Variants in GRM5 observed in about 807,000 individuals in gnomAD.
The protein encoded by GRM5 is metabotropic glutamate receptor 5.
A neutral mutation model predicts 83.1 loss-of-function variants in GRM5; 19 were observed. That is an observed-to-expected ratio of 0.23 (90% CI 0.16 to 0.34). The LOEUF (loss-of-function observed/expected upper bound fraction) is 0.34, where lower values mean the gene tolerates loss of function less well. Among genes scored for constraint, GRM5 ranks in the 10% least tolerant of loss-of-function variants. GRM5 has a pLI of 1.00. For synonymous variants in GRM5, 675 were observed against 633.6 expected (o/e 1.07, Z -0.98); for missense variants, 1,160 against 1,588.3 (o/e 0.73, Z 4.58).
chr11:88,650,721 A>G (rs2135302498), intron 4 of GRM5, among the ~76,000 whole-genome samples: 1 of 152,130 alleles, frequency 6.6e-6, no homozygotes, highest in South Asian at 2.1e-4. Context: ...GTATCTTTGA[A>G]CTATATATTG....
At chr11:88,578,494 A>G (rs1157417295) in intron 7 of GRM5, among the ~76,000 whole-genome samples, 2 of 152,130 alleles carry the variant, frequency 1.3e-5, no homozygotes, top group African/African-American at 4.8e-5. Flanking sequence ...TCAGACCACA[A>G]ATTTATCATT....
intron 3 of GRM5, among the ~76,000 whole-genome samples, chr11:88,760,929 C>A (rs1489261996): frequency 6.6e-6 from 1 of 151,852 alleles, no homozygotes; most frequent in East Asian, 1.9e-4. Context: ...ACATGATGAG[C>A]CACATAAACA....
intron 3 of GRM5, among the ~76,000 whole-genome samples, chr11:88,705,933 AG>A (rs1941147562): frequency 6.6e-6 from 1 of 152,120 alleles, no homozygotes; most frequent in African/African-American, 2.4e-5. Flanking sequence ...CACTTTTTAG[AG>A]TGCTTAAATG....
chr11:88,965,669 A>C (rs1194427372), intron 2 of GRM5, among the ~76,000 whole-genome samples: 1 of 152,128 alleles, frequency 6.6e-6, no homozygotes, highest in Non-Finnish European at 1.5e-5. Context: ...AGGAGTAAAA[A>C]GGTACACAAT....
intron 3 of GRM5, among the ~76,000 whole-genome samples, chr11:88,752,640 G>A (rs1420995949): frequency 1.3e-5 from 2 of 152,072 alleles, no homozygotes; most frequent in South Asian, 2.1e-4. Context: ...GCCCAAATGG[G>A]CAAGACAGTG....
intron 2 of GRM5, among the ~76,000 whole-genome samples, chr11:88,854,024 T>G (rs1474452085): frequency 7.0e-6 from 1 of 142,016 alleles, no homozygotes; most frequent in Non-Finnish European, 1.5e-5. Context: ...CCAAGTTATA[T>G]CCATCAACAG....
intron 7 of GRM5, among the ~76,000 whole-genome samples, chr11:88,585,009 C>G (rs971571437): frequency 2.6e-5 from 4 of 152,144 alleles, no homozygotes; most frequent in African/African-American, 9.7e-5. Flanking sequence ...CTTCTCCCAC[C>G]CTTCACCCCT....
chr11:88,856,504 T>C (rs916978510), intron 2 of GRM5, among the ~76,000 whole-genome samples: 2 of 152,054 alleles, frequency 1.3e-5, no homozygotes, highest in South Asian at 2.1e-4. Context: ...GAATACCTCC[T>C]GAAAGATCTG....
At chr11:88,641,731 C>A (rs1162532580) in intron 4 of GRM5, among the ~76,000 whole-genome samples, 1 of 152,222 alleles carries the variant, frequency 6.6e-6, no homozygotes, top group Non-Finnish European at 1.5e-5. Flanking sequence ...ATCTCTCTTG[C>A]CTCCATGTCC....
intron 4 of GRM5, among the ~76,000 whole-genome samples, chr11:88,611,118 T>A (rs1167733677): frequency 6.6e-6 from 1 of 152,190 alleles, no homozygotes; most frequent in Admixed American, 6.5e-5. Context: ...TTCTGTTTGC[T>A]AGTATTTTTT....
At chr11:88,832,661 A>T (rs1417916293) in intron 3 of GRM5, among the ~76,000 whole-genome samples, 1 of 152,176 alleles carries the variant, frequency 6.6e-6, no homozygotes, top group African/African-American at 2.4e-5. Context: ...AAACCAAAGC[A>T]ATCCTAAGTA....
chr11:88,770,753 T>C (rs1403454748), intron 3 of GRM5, among the ~76,000 whole-genome samples: 1 of 152,112 alleles, frequency 6.6e-6, no homozygotes, highest in African/African-American at 2.4e-5. Flanking sequence ...TGATAGGGGT[T>C]ACATTTTGGG....
intron 3 of GRM5, among the ~76,000 whole-genome samples, chr11:88,772,852 A>G (rs537462185): frequency 6.6e-6 from 1 of 152,128 alleles, no homozygotes; most frequent in Non-Finnish European, 1.5e-5. Flanking sequence ...TCTATCATTG[A>G]TGGACATTTG....
At chr11:88,585,846 G>A (rs1455220883) in intron 7 of GRM5, among the ~76,000 whole-genome samples, 3 of 152,048 alleles carry the variant, frequency 2.0e-5, no homozygotes, top group Non-Finnish European at 2.9e-5. Flanking sequence ...TAAGACAAAG[G>A]AATAACTGCT....
chr11:88,749,962 G>A (rs532960041), intron 3 of GRM5, among the ~76,000 whole-genome samples: 9 of 152,142 alleles, frequency 5.9e-5, no homozygotes, highest in East Asian at 3.9e-4. Context: ...AGGAAAAACC[G>A]TTGCCAGCTA....
chr11:88,613,069 T>C (rs1167113455), intron 4 of GRM5, among the ~76,000 whole-genome samples: 1 of 152,132 alleles, frequency 6.6e-6, no homozygotes, highest in African/African-American at 2.4e-5. Flanking sequence ...GTGTGTTGGG[T>C]ATGATGTCAA....
At chr11:88,700,493 TCAAGGAGAC>T (rs1249860379) in intron 3 of GRM5, among the ~76,000 whole-genome samples, 2 of 152,178 alleles carry the variant, frequency 1.3e-5, no homozygotes, top group African/African-American at 4.8e-5. Context: ...GCACAACTGC[TCAAGGAGAC>T]CAACCAGCTA....
chr11:88,744,523 G>A (rs996466925), intron 3 of GRM5, among the ~76,000 whole-genome samples: 2 of 152,068 alleles, frequency 1.3e-5, no homozygotes, highest in African/African-American at 4.8e-5. Context: ...AGCACCTATG[G>A]TATGAAAATG....
rs1309221208 is a variant in GRM5, at chr11:88,681,565, C to CCT, written c.912-28163_912-28162insAG. Among the ~76,000 whole-genome samples, 110 of 25,506 alleles carry CCT rather than the reference C, an allele frequency of 4.3e-3. 7 individuals are homozygous for CCT. The highest frequency in any genetic ancestry group is 7.2e-3 in the Admixed American group (10 of 1,398). The allele number at this position is 25,506 out of a possible 152,430, so 16.7% of individuals were successfully genotyped here. Reference sequence around the variant, plus strand: ...ATAAACTCAAGAGGTTGAGTTCTTCCTTTTTTTTTTTTTTTTTTTTTTTTG... The same window carrying CCT: ...ATAAACTCAAGAGGTTGAGTTCTTCCCTTTTTTTTTTTTTTTTTTTTTTTTTG... On this transcript the variant is annotated intron_variant, in intron 3 of 9. Coordinates refer to ENST00000305447, the MANE Select transcript of GRM5 (RefSeq NM_001143831.3).
Sources: allele counts gnomAD v4.1 joint callset (sites outside exome capture counted in the v4.1 genomes callset), GRCh38; gene constraint gnomAD v4.1.1; transcripts MANE v1.5; gene names NCBI Gene and HGNC (gene_info 2026-07-23, HGNC 2026-07-21).